The following RABGAP1L variants were observed in gnomAD, a reference collection of about 807,000 sequenced individuals.
RABGAP1L encodes rab GTPase-activating protein 1-like.
A neutral mutation model predicts 137.7 loss-of-function variants in RABGAP1L; 63 were observed. The ratio of observed to expected loss-of-function variants is 0.46; its 90% CI spans 0.37 to 0.56. The LOEUF is 0.56. Among genes scored for constraint, RABGAP1L ranks in the 20% least tolerant of loss-of-function variants. The pLI, the probability that RABGAP1L is intolerant of heterozygous loss-of-function variation, is 0.00. For synonymous variants in RABGAP1L, 431 were observed against 433.7 expected, an observed-to-expected ratio of 0.99 and a Z score of 0.08; for missense variants, 1,095 against 1,244.0, an observed-to-expected ratio of 0.88 and a Z score of 1.80.
chr1:174,472,686 C>T (rs532951957), intron 13 of RABGAP1L, among the ~76,000 whole-genome samples: 1 of 152,238 alleles, frequency 6.6e-6, no homozygotes, highest in South Asian at 2.1e-4. Context: ...CTTGCCTGAG[C>T]CTAGGAGTTC....
intron 17 of RABGAP1L, among the ~76,000 whole-genome samples, chr1:174,704,321 G>C (rs1679889999): frequency 6.6e-6 from 1 of 152,140 alleles, no homozygotes; most frequent in Non-Finnish European, 1.5e-5. Flanking sequence ...ATCACACTAG[G>C]AATTAGAAGT....
chr1:174,962,194 A>AC (rs773567592), intron 20 of RABGAP1L, among the ~76,000 whole-genome samples: 2,516 of 39,944 alleles, frequency 0.063, 326 homozygotes, highest in African/African-American at 0.22. Context: ...AAATAAAAAT[A>AC]CACCCCCCCC....
intron 15 of RABGAP1L, among the ~76,000 whole-genome samples, chr1:174,687,855 T>C (rs1678594618): frequency 6.6e-6 from 1 of 152,192 alleles, no homozygotes; most frequent in South Asian, 2.1e-4. Context: ...AGACCAAAAA[T>C]GAAAGTATGT....
At chr1:174,872,309 ACTTAT>A in intron 19 of RABGAP1L, among the ~76,000 whole-genome samples, 1 of 152,224 alleles carries the variant, frequency 6.6e-6, no homozygotes, top group African/African-American at 2.4e-5. Context: ...GAACAAGTTT[ACTTAT>A]CTTTTACTTG....
At chr1:174,680,627 T>C (rs967691761) in intron 14 of RABGAP1L, among the ~76,000 whole-genome samples, 4 of 151,990 alleles carry the variant, frequency 2.6e-5, no homozygotes, top group South Asian at 2.1e-4. Flanking sequence ...AATTAAACAA[T>C]TGGGCAGGCT....
At chr1:174,923,878 C>CAAAAAA (rs1176474943) in intron 19 of RABGAP1L, among the ~76,000 whole-genome samples, 1 of 87,254 alleles carries the variant, frequency 1.1e-5, no homozygotes. Context: ...GAGACTGTCT[C>CAAAAAA]AAAAAAAAAA....
At chr1:174,953,844 G>A (rs1283591686) in intron 19 of RABGAP1L, among the ~76,000 whole-genome samples, 1 of 152,212 alleles carries the variant, frequency 6.6e-6, no homozygotes, top group African/African-American at 2.4e-5. Context: ...AGAGCCCCAG[G>A]GGAGAATAGC....
intron 13 of RABGAP1L, among the ~76,000 whole-genome samples, chr1:174,537,188 A>C (rs1384920653): frequency 6.6e-6 from 1 of 152,192 alleles, no homozygotes; most frequent in Non-Finnish European, 1.5e-5. Context: ...GTTTCAATTA[A>C]AAATAGACTA....
chr1:174,687,311 C>T (rs569145316), intron 15 of RABGAP1L, among the ~76,000 whole-genome samples: 32 of 152,240 alleles, frequency 2.1e-4, no homozygotes, highest in Middle Eastern at 3.4e-3. Flanking sequence ...GAAATTCAGT[C>T]TAGTCTCTCA....
chr1:174,360,971 A>G (rs1684087660), intron 11 of RABGAP1L, among the ~76,000 whole-genome samples: 2 of 152,190 alleles, frequency 1.3e-5, no homozygotes, highest in African/African-American at 4.8e-5. Flanking sequence ...CCTGGCTAAC[A>G]CGGTGAAACG....
chr1:174,710,008 C>T lies in RABGAP1L; in HGVS notation c.2169+7752C>T, dbSNP rs144242822. ...GCTGAAAAACACAGCACGAGAACTT[C>T]GTGAAGCATACACAAGTATCAATAG... On this transcript the variant is annotated intron_variant, in intron 17 of 25. Transcript: ENST00000681986. Among the ~76,000 whole-genome samples, 737 of 152,222 alleles carry T rather than the reference C, an allele frequency of 4.8e-3. 8 individuals are homozygous for T. The highest frequency in any genetic ancestry group is 0.039 in the South Asian group (190 of 4,814).
intron 19 of RABGAP1L, among the ~76,000 whole-genome samples, chr1:174,849,511 A>G (rs1028783353): frequency 1.6e-4 from 24 of 152,202 alleles, no homozygotes; most frequent in Admixed American, 1.2e-3. Context: ...AACAAAATAC[A>G]TTCTATGGCA....
chr1:174,819,623 G>A (rs1219400288), intron 19 of RABGAP1L, among the ~76,000 whole-genome samples: 2 of 152,178 alleles, frequency 1.3e-5, no homozygotes, highest in Admixed American at 1.3e-4. Flanking sequence ...AGATTACAAG[G>A]TATTCCAGAC....
intron 18 of RABGAP1L, among the ~76,000 whole-genome samples, chr1:174,754,682 G>A (rs1684586256): frequency 1.3e-5 from 2 of 151,952 alleles, no homozygotes; most frequent in African/African-American, 4.8e-5. Flanking sequence ...TAAAAATATT[G>A]TAGAGACAGG....
intron 13 of RABGAP1L, chr1:174,548,240 G>A (rs1666178431): frequency 1.4e-6 from 2 of 1,404,326 alleles, no homozygotes; most frequent in Non-Finnish European, 1.8e-6. Context: ...TTGAAGCCAA[G>A]TAATCTAAGA....
At chr1:174,310,783 G>T (rs531422914) in intron 11 of RABGAP1L, among the ~76,000 whole-genome samples, 72 of 152,222 alleles carry the variant, frequency 4.7e-4, no homozygotes, top group Middle Eastern at 3.4e-3. Flanking sequence ...AAAGAATGCA[G>T]TGTGAAATAA....
chr1:174,313,855 A>G (rs1260298783), intron 11 of RABGAP1L, among the ~76,000 whole-genome samples: 2 of 152,156 alleles, frequency 1.3e-5, no homozygotes, highest in Non-Finnish European at 2.9e-5. Context: ...GATAAATCTC[A>G]ATTGGTCATC....
intron 19 of RABGAP1L, among the ~76,000 whole-genome samples, chr1:174,917,267 C>A (rs1374580645): frequency 6.6e-6 from 1 of 152,158 alleles, no homozygotes; most frequent in East Asian, 1.9e-4. Flanking sequence ...GGAAAATGCA[C>A]ACTTAGAGGA....
chr1:174,670,301 G>T (rs755572044), intron 14 of RABGAP1L, among the ~76,000 whole-genome samples: 6 of 151,942 alleles, frequency 3.9e-5, no homozygotes, highest in Non-Finnish European at 8.8e-5. Context: ...TGGGATACAT[G>T]AGATGTTTTG....
Sources: gnomAD v4.1 joint callset for allele counts (sites outside exome capture counted in the v4.1 genomes callset) on GRCh38, gnomAD v4.1.1 for gene constraint, MANE v1.5 for transcripts, NCBI Gene and HGNC (gene_info 2026-07-23, HGNC 2026-07-21) for gene names.